XKR6: variants seen among roughly 807,000 people sequenced by gnomAD.
XKR6 encodes XK related 6, also known as XK-related protein 6.
A neutral mutation model predicts 56.7 loss-of-function variants in XKR6; 22 were observed. That is an observed-to-expected ratio of 0.39 (90% CI 0.28 to 0.55). The LOEUF (loss-of-function observed/expected upper bound fraction) is 0.55. XKR6 is among the 20% of genes least tolerant of loss of function. The pLI, the probability that XKR6 is intolerant of heterozygous loss-of-function variation, is 0.66. For missense variants in XKR6, 852 were observed against 889.0 expected (o/e 0.96, Z 0.53); for synonymous variants, 524 against 387.8 (o/e 1.35, Z -4.13).
At chr8:10,921,418 A>C (rs912690335) in intron 2 of XKR6, among the ~76,000 whole-genome samples, 1 of 152,146 alleles carries the variant, frequency 6.6e-6, no homozygotes, top group Non-Finnish European at 1.5e-5. Flanking sequence ...GAGGATGGGG[A>C]GGTGACCGTC....
At chr8:10,998,463 A>G (rs763622987) in intron 1 of XKR6, among the ~76,000 whole-genome samples, 2 of 152,206 alleles carry the variant, frequency 1.3e-5, no homozygotes, top group Non-Finnish European at 2.9e-5. Flanking sequence ...TCCCTTCTCC[A>G]TCTTACTGAC....
In XKR6 at chr8:10,943,324, G is replaced by C. The variant is rs193117652; in HGVS notation, c.765-18494C>G. Among the ~76,000 whole-genome samples, 76 of 152,334 alleles carry C rather than the reference G, an allele frequency of 5.0e-4. 1 individual carries two copies. The highest frequency in any genetic ancestry group is 1.7e-3 in the African/African-American group (72 of 41,568). ...CCCATTTGACAGATGAGGAAGCTGA[G>C]GCTAAGCTACATTAACTAACCTGGG... On this transcript the variant is annotated intron_variant, in intron 1 of 2. Transcript: ENST00000416569.
chr8:10,964,543 C>T lies in XKR6; in HGVS notation c.765-39713G>A, dbSNP rs74464418. ...AGCATATTGGGGTCACTTCAGTCAG[C>T]GAAAATGGCATCTCAACCTTAATGG... On this transcript the variant is annotated intron_variant, in intron 1 of 2. Coordinates refer to ENST00000416569, the MANE Select transcript of XKR6 (RefSeq NM_173683.4). 5.0e-3 allele frequency among the ~76,000 whole-genome samples: 767 copies of T among 152,292 alleles called. 9 individuals carry two copies. The highest frequency in any genetic ancestry group is 0.018 in the African/African-American group (732 of 41,554).
At chr8:11,069,624 T>A (rs1231705681) in intron 1 of XKR6, among the ~76,000 whole-genome samples, 1 of 152,066 alleles carries the variant, frequency 6.6e-6, no homozygotes, top group Admixed American at 6.6e-5. Context: ...TAGAGTGCCA[T>A]CAGCCCACTG....
chr8:10,966,847 G>A (rs1220809461), intron 1 of XKR6, among the ~76,000 whole-genome samples: 2 of 152,130 alleles, frequency 1.3e-5, no homozygotes, highest in African/African-American at 4.8e-5. Flanking sequence ...CTAAACCTTG[G>A]CCACCTGTGA....
chr8:11,026,553 C>T (rs1798869627), intron 1 of XKR6, among the ~76,000 whole-genome samples: 1 of 150,170 alleles, frequency 6.7e-6, no homozygotes, highest in Non-Finnish European at 1.5e-5. Flanking sequence ...ATGGTCTAGC[C>T]TACTAAACTC....
At chr8:10,976,398 C>A (rs1222207531) in intron 1 of XKR6, among the ~76,000 whole-genome samples, 2 of 152,166 alleles carry the variant, frequency 1.3e-5, no homozygotes, top group Non-Finnish European at 2.9e-5. Flanking sequence ...AAGACCAGCT[C>A]CCAGAGACCC....
intron 1 of XKR6, among the ~76,000 whole-genome samples, chr8:10,975,671 C>G (rs912065121): frequency 6.6e-6 from 1 of 152,078 alleles, no homozygotes; most frequent in African/African-American, 2.4e-5. Flanking sequence ...AAAGGGGAAA[C>G]AAAGCCCCAT....
chr8:11,196,412 AG>A (rs1801218909), intron 1 of XKR6, among the ~76,000 whole-genome samples: 1 of 149,272 alleles, frequency 6.7e-6, no homozygotes, highest in Non-Finnish European at 1.5e-5. Context: ...GAGCTCAAAA[AG>A]CAAACAAAAC....
intron 1 of XKR6, among the ~76,000 whole-genome samples, chr8:11,038,701 A>G (rs1399913275): frequency 6.6e-6 from 1 of 151,724 alleles, no homozygotes; most frequent in African/African-American, 2.4e-5. Context: ...CGCCTGGCTA[A>G]TTTTTTTATT....
At chr8:10,950,653 G>C (rs567129504) in intron 1 of XKR6, among the ~76,000 whole-genome samples, 114 of 152,366 alleles carry the variant, frequency 7.5e-4, no homozygotes, top group African/African-American at 2.6e-3. Context: ...CTCCTAGACA[G>C]AGAATGCTTA....
chr8:11,034,366 A>G (rs867081935), intron 1 of XKR6, among the ~76,000 whole-genome samples: 34 of 152,312 alleles, frequency 2.2e-4, no homozygotes, highest in Middle Eastern at 3.4e-3. Context: ...AGGCCGAGAG[A>G]GCATCATGGG....
At chr8:11,148,434 G>C (rs1033547932) in intron 1 of XKR6, among the ~76,000 whole-genome samples, 7 of 152,200 alleles carry the variant, frequency 4.6e-5, no homozygotes, top group African/African-American at 1.4e-4. Context: ...CTGGCACCTT[G>C]ATCTTGGACT....
chr8:11,127,152 A>G (rs571382048), intron 1 of XKR6, among the ~76,000 whole-genome samples: 66 of 152,170 alleles, frequency 4.3e-4, no homozygotes, highest in Non-Finnish European at 7.3e-4. Context: ...CCTTCCGGCA[A>G]TCCCACTTCT....
chr8:11,167,890 TA>T (rs34853825), intron 1 of XKR6, among the ~76,000 whole-genome samples: 2,819 of 108,182 alleles, frequency 0.026, 68 homozygotes, highest in African/African-American at 0.049. Flanking sequence ...CCCCATCTCT[TA>T]AAAAAAAAAA....
At position 11,009,000 on chromosome 8, in the gene XKR6, G is replaced by C. The variant is rs139983604; in HGVS notation, c.765-84170C>G. On this transcript the variant is annotated intron_variant, in intron 1 of 2. Transcript: ENST00000416569. Reference sequence around the variant, plus strand: ...AAGGATCCTTTCCTTTTAGATTGTTGTCTAAAGTGGCATATAGGGGTGTTG... The same window carrying C: ...AAGGATCCTTTCCTTTTAGATTGTTCTCTAAAGTGGCATATAGGGGTGTTG... 2.5e-3 allele frequency among the ~76,000 whole-genome samples: 380 copies of C among 151,680 alleles called. 1 individual carries two copies. The highest frequency in any genetic ancestry group is 9.0e-3 in the African/African-American group (372 of 41,358).
chr8:10,993,902 G>T (rs1340161334), intron 1 of XKR6, among the ~76,000 whole-genome samples: 2 of 152,320 alleles, frequency 1.3e-5, no homozygotes, highest in South Asian at 4.1e-4. Context: ...ATGGCAATCA[G>T]GGTAGGGCCT....
At chr8:11,138,931 A>G (rs1800539237) in intron 1 of XKR6, among the ~76,000 whole-genome samples, 1 of 152,160 alleles carries the variant, frequency 6.6e-6, no homozygotes, top group South Asian at 2.1e-4. Flanking sequence ...ATAAAAAAAA[A>G]AAAAACCTGA....
chr8:11,087,406 A>G (rs1249480031), intron 1 of XKR6, among the ~76,000 whole-genome samples: 1 of 152,178 alleles, frequency 6.6e-6, no homozygotes, highest in Non-Finnish European at 1.5e-5. Flanking sequence ...GCTCATGTCA[A>G]TCTCAGCAGT....
Sources: allele counts gnomAD v4.1 joint callset (sites outside exome capture counted in the v4.1 genomes callset), GRCh38; gene constraint gnomAD v4.1.1; transcripts MANE v1.5; gene names NCBI Gene and HGNC (gene_info 2026-07-23, HGNC 2026-07-21).